The following MAP3K20 variants were observed in gnomAD, a reference collection of about 807,000 sequenced individuals.
The protein encoded by MAP3K20 is HCCS-4.
A neutral mutation model predicts 85.7 loss-of-function variants in MAP3K20; 40 were observed. The ratio of observed to expected loss-of-function variants is 0.47; its 90% CI spans 0.36 to 0.61. The LOEUF (loss-of-function observed/expected upper bound fraction) is 0.61, where lower values mean the gene tolerates loss of function less well. Among genes scored for constraint, MAP3K20 ranks in the 20% least tolerant of loss-of-function variants. The probability of loss-of-function intolerance (pLI) is 0.00; values close to 1 mark genes in which losing one functional copy is unlikely to be tolerated. For missense variants in MAP3K20, 817 were observed against 961.7 expected (o/e 0.85, Z 1.99); for synonymous variants, 325 against 327.7 (o/e 0.99, Z 0.09).
chr2:173,266,279 C>G lies in MAP3K20; in HGVS notation c.1932C>G (p.Thr644=), dbSNP rs1270167396. ...CGTCTCCTACTCAGTATGGACTGAC[C>G]AAAAACTTCTCTTCCCTACATCTCA... is the stretch of plus-strand genomic sequence containing the variant. ...RSSSPTQYGL[T]KNFSSLHLNS... Residue 644 remains threonine (T), a synonymous_variant, in exon 20 of 20, where the codon ACC becomes ACG. Coordinates refer to ENST00000375213, the MANE Select transcript of MAP3K20 (RefSeq NM_016653.3). 8 of 1,613,958 alleles carry G rather than the reference C, an allele frequency of 5.0e-6. No individual in the cohort carries two copies. Among genetic ancestry groups the G allele is most frequent in the Non-Finnish European group, 5.9e-6 (7 of 1,180,016 alleles).
At chr2:173,087,118 C>A (rs1232887126) in intron 1 of MAP3K20, among the ~76,000 whole-genome samples, 1 of 152,186 alleles carries the variant, frequency 6.6e-6, no homozygotes, top group Non-Finnish European at 1.5e-5. Context: ...AGCTGCCTAA[C>A]TGTGTACTTG....
chr2:173,208,034 A>G (rs1354860511), intron 9 of MAP3K20, among the ~76,000 whole-genome samples: 10 of 152,338 alleles, frequency 6.6e-5, no homozygotes. Context: ...AAAATTCATT[A>G]GCTCTTCCTG....
intron 2 of MAP3K20, among the ~76,000 whole-genome samples, chr2:173,165,679 ATTTG>A (rs556402669): frequency 2.2e-3 from 330 of 152,054 alleles, no homozygotes; most frequent in African/African-American, 7.4e-3. Context: ...CAGTGGATTT[ATTTG>A]TTTATTTAGA....
chr2:173,146,251 A>G (rs1689133641), intron 2 of MAP3K20, among the ~76,000 whole-genome samples: 1 of 151,980 alleles, frequency 6.6e-6, no homozygotes, highest in Non-Finnish European at 1.5e-5. Context: ...TTTAAGGCAA[A>G]GGAACAAGCC....
intron 16 of MAP3K20, among the ~76,000 whole-genome samples, chr2:173,247,505 TAAGTG>T (rs146074172): frequency 0.011 from 1,682 of 152,280 alleles, 23 homozygotes; most frequent in South Asian, 0.042. Flanking sequence ...TATTAAAAAT[TAAGTG>T]AAGGGAAGTT....
intron 12 of MAP3K20, among the ~76,000 whole-genome samples, chr2:173,231,615 G>A (rs1057082013): frequency 1.3e-5 from 2 of 152,180 alleles, no homozygotes; most frequent in African/African-American, 4.8e-5. Context: ...GACTGAGTCT[G>A]GCCTCCCATC....
intron 2 of MAP3K20, among the ~76,000 whole-genome samples, chr2:173,094,135 A>G (rs945664319): frequency 2.0e-5 from 3 of 152,208 alleles, no homozygotes; most frequent in African/African-American, 4.8e-5. Context: ...AACTTAAAGT[A>G]TAATAAAAAA....
chr2:173,162,161 A>G (rs1037993672), intron 2 of MAP3K20, among the ~76,000 whole-genome samples: 5 of 152,072 alleles, frequency 3.3e-5, no homozygotes, highest in African/African-American at 1.2e-4. Context: ...CCTTTTTTCT[A>G]TACACATAAT....
At chr2:173,129,617 G>A (rs1339159590) in intron 2 of MAP3K20, among the ~76,000 whole-genome samples, 1 of 152,222 alleles carries the variant, frequency 6.6e-6, no homozygotes, top group Non-Finnish European at 1.5e-5. Context: ...GAGCAGAGCT[G>A]GGATCTGAGT....
intron 10 of MAP3K20, chr2:173,215,543 T>C (rs920659082): frequency 2.0e-5 from 3 of 152,254 alleles, no homozygotes; most frequent in African/African-American, 7.2e-5. Context: ...ATGGGACTTA[T>C]AGCCTTTTAT....
At chr2:173,168,793 A>G (rs577789128) in intron 2 of MAP3K20, among the ~76,000 whole-genome samples, 2 of 152,342 alleles carry the variant, frequency 1.3e-5, no homozygotes, top group South Asian at 4.1e-4. Flanking sequence ...TAAAAGTCAT[A>G]AAATATTGAT....
At chr2:173,220,178 C>G (rs1438359808) in intron 11 of MAP3K20, among the ~76,000 whole-genome samples, 1 of 151,860 alleles carries the variant, frequency 6.6e-6, no homozygotes, top group African/African-American at 2.4e-5. Flanking sequence ...GAAACTATGC[C>G]AAAAACATAA....
intron 2 of MAP3K20, among the ~76,000 whole-genome samples, chr2:173,142,095 A>T (rs1390212746): frequency 1.3e-5 from 2 of 152,226 alleles, no homozygotes; most frequent in Non-Finnish European, 2.9e-5. Flanking sequence ...CATTTTAAAA[A>T]TTCTTTTAAT....
At chr2:173,143,108 A>T (rs550060857) in intron 2 of MAP3K20, among the ~76,000 whole-genome samples, 1 of 152,330 alleles carries the variant, frequency 6.6e-6, no homozygotes, top group African/African-American at 2.4e-5. Flanking sequence ...TAAATATAAG[A>T]CACAGATCTG....
chr2:173,144,596 G>A (rs2106218641), intron 2 of MAP3K20, among the ~76,000 whole-genome samples: 1 of 152,156 alleles, frequency 6.6e-6, no homozygotes, highest in South Asian at 2.1e-4. Context: ...TACTGGGGAG[G>A]CTGAGGTGGG....
intron 5 of MAP3K20, among the ~76,000 whole-genome samples, chr2:173,188,554 G>A (rs1032886147): frequency 6.6e-6 from 1 of 151,878 alleles, no homozygotes; most frequent in Non-Finnish European, 1.5e-5. Flanking sequence ...GGAATGAATC[G>A]ATCAGGTACC....
At chr2:173,101,187 A>G (rs1274787962) in intron 2 of MAP3K20, among the ~76,000 whole-genome samples, 1 of 152,236 alleles carries the variant, frequency 6.6e-6, no homozygotes, top group Non-Finnish European at 1.5e-5. Context: ...GTTATGTGAA[A>G]TGTAGTTACA....
In MAP3K20 at chr2:173,190,806, CAGAAAT is replaced by C; in HGVS notation, c.416-84_416-79del. 2.5e-6 allele frequency: 3 copies of C among 1,203,956 alleles called. No homozygotes were observed. The Admixed American group carries it at 6.9e-5, about 28-fold the overall frequency. 74.6% of individuals were successfully genotyped at this position (1,203,956 alleles called of 1,614,324 possible). ...ACCTTTCATAATCCCATATTGAAGA[CAGAAAT>C]AGAAGTTTATGGTTTTTTTCAGTAG... is the stretch of plus-strand genomic sequence containing the variant. On this transcript the variant is annotated intron_variant, in intron 5 of 19. Coordinates refer to ENST00000375213, the MANE Select transcript of MAP3K20 (RefSeq NM_016653.3).
chr2:173,210,053 T>C (rs1683832567), intron 10 of MAP3K20: 1 of 544,794 alleles, frequency 1.8e-6, no homozygotes, highest in Non-Finnish European at 3.3e-6. Context: ...TGTGTAAGTA[T>C]TTGAAAAGAA....
Sources: gnomAD v4.1 joint callset for allele counts (sites outside exome capture counted in the v4.1 genomes callset) on GRCh38, gnomAD v4.1.1 for gene constraint, MANE v1.5 for transcripts, NCBI Gene and HGNC (gene_info 2026-07-23, HGNC 2026-07-21) for gene names.